Variants in HSD17B11 observed in about 807,000 individuals in gnomAD.
HSD17B11 encodes estradiol 17-beta-dehydrogenase 11.
Under a neutral mutation model 27.8 loss-of-function variants are expected in HSD17B11, and 22 were observed. That is an observed-to-expected ratio of 0.79 (90% CI 0.56 to 1.13). The LOEUF is 1.13. HSD17B11 is among the 50% of genes most tolerant of loss of function. HSD17B11 has a pLI of 0.00. For synonymous variants in HSD17B11, 117 were observed against 132.8 expected (o/e 0.88, Z 0.82); for missense variants, 314 against 351.1 (o/e 0.89, Z 0.84).
intron 5 of HSD17B11, among the ~76,000 whole-genome samples, chr4:87,354,867 C>G (rs1423784211): frequency 6.9e-6 from 1 of 145,414 alleles, no homozygotes; most frequent in Non-Finnish European, 1.5e-5. Context: ...AATCTTGGCA[C>G]TTTGGGAGGT....
At chr4:87,388,795 T>C (rs996840682) in intron 1 of HSD17B11, among the ~76,000 whole-genome samples, 1 of 152,202 alleles carries the variant, frequency 6.6e-6, no homozygotes, top group Non-Finnish European at 1.5e-5. Context: ...CAATAAATAT[T>C]TGTTGGATAA....
chr4:87,384,578 CG>C (rs572326852), intron 1 of HSD17B11, among the ~76,000 whole-genome samples: 5 of 152,122 alleles, frequency 3.3e-5, no homozygotes, highest in African/African-American at 1.2e-4. Context: ...TGCATTCCTA[CG>C]GGGAGGTCTA....
intron 1 of HSD17B11, among the ~76,000 whole-genome samples, chr4:87,384,128 C>T (rs1720242181): frequency 6.6e-6 from 1 of 152,074 alleles, no homozygotes. Context: ...TCAGGGACCC[C>T]GAATGGAGGG....
At chr4:87,355,107 AAAAAC>A (rs1226318405) in intron 5 of HSD17B11, among the ~76,000 whole-genome samples, 5 of 152,244 alleles carry the variant, frequency 3.3e-5, no homozygotes, top group Non-Finnish European at 7.4e-5. Flanking sequence ...ACCCTGTCTG[AAAAAC>A]AAAACAAAAC....
At chr4:87,365,803 A>G (rs1031469732) in intron 4 of HSD17B11, 10 of 151,770 alleles carry the variant, frequency 6.6e-5, no homozygotes, top group Non-Finnish European at 4.4e-5. Context: ...TTCTGCCTAG[A>G]TTAAAGTGTT....
intron 2 of HSD17B11, among the ~76,000 whole-genome samples, chr4:87,375,297 T>G (rs1430386444): frequency 6.6e-6 from 1 of 152,228 alleles, no homozygotes; most frequent in African/African-American, 2.4e-5. Context: ...TTTTATGCAC[T>G]TATGTCCAAA....
chr4:87,353,771 A>C (rs1735329564), intron 5 of HSD17B11, among the ~76,000 whole-genome samples: 1 of 152,222 alleles, frequency 6.6e-6, no homozygotes, highest in Non-Finnish European at 1.5e-5. Flanking sequence ...AACTTTTGAA[A>C]ATAGGATGTC....
chr4:87,378,878 ATAAAT>A lies in HSD17B11; in HGVS notation c.318+3372_318+3376del, dbSNP rs1720017076. 1.6e-4 allele frequency among the ~76,000 whole-genome samples: 3 copies of A among 18,272 alleles called. 1 individual carries two copies. Among genetic ancestry groups the A allele is most frequent in the Non-Finnish European group, 3.0e-4 (3 of 10,010 alleles). 12.0% of individuals were successfully genotyped at this position (18,272 alleles called of 152,430 possible). A position where few individuals can be genotyped will look rare whatever the true frequency, so the allele number is the denominator to read the frequency against. On this transcript the variant is annotated intron_variant, in intron 2 of 6. Transcript: ENST00000358290. ...TATAAATATATATAAATATATATAT[ATAAAT>A]ATATATATATAAATATATATAAATA...
chr4:87,359,114 T>TA (rs1735456276), intron 4 of HSD17B11, among the ~76,000 whole-genome samples: 1 of 152,164 alleles, frequency 6.6e-6, no homozygotes, highest in African/African-American at 2.4e-5. Flanking sequence ...TCTGTAATTG[T>TA]AAGTTTCCTG....
intron 6 of HSD17B11, 27 bp downstream of exon 6, chr4:87,340,463 T>A: frequency 7.1e-7 from 1 of 1,400,284 alleles, no homozygotes; most frequent in Non-Finnish European, 9.9e-7. Flanking sequence ...TACCTTTCAT[T>A]TCTAAGGTTT....
chr4:87,381,968 T>C (rs4574370), intron 2 of HSD17B11, among the ~76,000 whole-genome samples: 93,913 of 151,812 alleles, frequency 0.62, 30,431 homozygotes, highest in African/African-American at 0.77. Context: ...AGGGTGGATG[T>C]ATTTGAGGCC....
intron 5 of HSD17B11, among the ~76,000 whole-genome samples, chr4:87,341,146 G>A (rs1735158044): frequency 6.6e-6 from 1 of 151,764 alleles, no homozygotes; most frequent in Admixed American, 6.6e-5. Flanking sequence ...TAGGTCTTTG[G>A]TTTTTTTGGT....
At chr4:87,354,226 T>C (rs904566246) in intron 5 of HSD17B11, among the ~76,000 whole-genome samples, 1 of 152,090 alleles carries the variant, frequency 6.6e-6, no homozygotes, top group Non-Finnish European at 1.5e-5. Context: ...GTGTTTAAAA[T>C]AGAACCTGGC....
In HSD17B11 at chr4:87,337,381, T is replaced by C. The variant is rs766552535; in HGVS notation, c.813-15A>G. The C allele has an allele frequency of 7.2e-6, 10 of 1,386,292 alleles. No homozygotes were observed. The Admixed American group carries it at 1.8e-4, about 25-fold the overall frequency. The allele number at this position is 1,386,292 out of a possible 1,614,324, so 85.9% of individuals were successfully genotyped here. A position where few individuals can be genotyped will look rare whatever the true frequency, so the allele number is the denominator to read the frequency against. ...CAGGAAGGATCCTAAAAGAAAGATA[T>C]ATGCAAATAATTAGAAAATTAATAT... is the stretch of plus-strand genomic sequence containing the variant. On this transcript the variant is annotated splice_polypyrimidine_tract_variant and intron_variant, in intron 6 of 6. Transcript: ENST00000358290.
intron 2 of HSD17B11, among the ~76,000 whole-genome samples, chr4:87,379,729 A>G (rs963003590): frequency 3.0e-4 from 43 of 144,408 alleles, no homozygotes; most frequent in African/African-American, 1.0e-3. Flanking sequence ...AATAGTATAT[A>G]CTATTATTAG....
At chr4:87,361,539 G>C (rs1001093317) in intron 4 of HSD17B11, among the ~76,000 whole-genome samples, 1 of 152,088 alleles carries the variant, frequency 6.6e-6, no homozygotes. Flanking sequence ...AGGCCAAGGC[G>C]GGCGGATCAC....
Position 87,337,028 on chromosome 4 carries a change from A to G in HSD17B11, c.*248T>C. 5.3e-6 allele frequency: 2 copies of G among 375,170 alleles called. No homozygotes were observed. Among genetic ancestry groups the G allele is most frequent in the East Asian group, 9.9e-5 (2 of 20,244 alleles). 23.2% of individuals were successfully genotyped at this position (375,170 alleles called of 1,614,324 possible). On this transcript the variant is annotated 3_prime_UTR_variant, in exon 7 of 7. Transcript: ENST00000358290. ...ATAATCTTGGAAATTATTTTAATAA[A>G]GTCATTTTGGTTCTTTTTCTTCATT...
At chr4:87,370,904 T>C (rs1480830580) in intron 4 of HSD17B11, among the ~76,000 whole-genome samples, 7 of 121,886 alleles carry the variant, frequency 5.7e-5, no homozygotes, top group East Asian at 4.0e-4. Flanking sequence ...AGGCGCCCGC[T>C]ACCACGCCCG....
intron 4 of HSD17B11, among the ~76,000 whole-genome samples, chr4:87,365,011 A>T (rs1735590619): frequency 6.6e-6 from 1 of 152,234 alleles, no homozygotes. Flanking sequence ...TCTAGTAAAA[A>T]TACAAAAATT....
Sources: gnomAD v4.1 joint callset for allele counts (sites outside exome capture counted in the v4.1 genomes callset) on GRCh38, gnomAD v4.1.1 for gene constraint, MANE v1.5 for transcripts, NCBI Gene and HGNC (gene_info 2026-07-23, HGNC 2026-07-21) for gene names.